Variants in HAAO observed in about 807,000 individuals in gnomAD.
HAAO encodes the protein 3-hydroxyanthranilate 3,4-dioxygenase, also known as 3-hydroxyanthranilate oxygenase.
Under a neutral mutation model 46.2 loss-of-function variants are expected in HAAO, and 49 were observed. That is an observed-to-expected ratio of 1.06 (90% CI 0.84 to 1.34). HAAO has a LOEUF of 1.34. HAAO is among the 40% of genes most tolerant of loss of function. The pLI is 0.00. For missense variants in HAAO, 408 were observed against 364.5 expected, an observed-to-expected ratio of 1.12 and a Z score of -0.97; for synonymous variants, 157 against 145.2, an observed-to-expected ratio of 1.08 and a Z score of -0.58.
At chr2:42,791,214 C>T (rs1672773326) in intron 1 of HAAO, among the ~76,000 whole-genome samples, 1 of 152,142 alleles carries the variant, frequency 6.6e-6, no homozygotes, top group African/African-American at 2.4e-5. Flanking sequence ...CAGACACACA[C>T]ACAAGGAGAC....
intron 4 of HAAO, among the ~76,000 whole-genome samples, chr2:42,776,970 C>G (rs1374526366): frequency 6.6e-6 from 1 of 151,504 alleles, no homozygotes; most frequent in African/African-American, 2.4e-5. Flanking sequence ...GGCTATTTAG[C>G]TGACAACTGC....
intron 1 of HAAO, among the ~76,000 whole-genome samples, chr2:42,790,755 C>T (rs1672736626): frequency 6.6e-6 from 1 of 152,130 alleles, no homozygotes; most frequent in African/African-American, 2.4e-5. Context: ...TGGTCTTGAA[C>T]TCCTGACCCC....
intron 2 of HAAO, chr2:42,784,087 AC>A: frequency 2.3e-6 from 1 of 430,842 alleles, no homozygotes; most frequent in Non-Finnish European, 3.1e-6. Flanking sequence ...GCAAGTGATG[AC>A]CAGAGTACCC....
At chr2:42,791,117 G>A (rs1266324776) in intron 1 of HAAO, among the ~76,000 whole-genome samples, 2 of 152,198 alleles carry the variant, frequency 1.3e-5, no homozygotes, top group Non-Finnish European at 1.5e-5. Flanking sequence ...TTGAGATGTA[G>A]TTAGGTTAGG....
At chr2:42,769,568 AATGTGTGTGTGT>A (rs1670923213) in intron 7 of HAAO, 133 bp downstream of exon 7, 6 of 646,190 alleles carry the variant, frequency 9.3e-6, no homozygotes, top group Admixed American at 3.9e-5. Flanking sequence ...CAACCTCTGA[AATGTGTGTGTGT>A]GTGTGTGTGT....
chr2:42,767,332 C>G lies in HAAO; in HGVS notation c.*105G>C, dbSNP rs572904356. 1.3e-6 allele frequency: 1 copy of G among 776,912 alleles called. No homozygotes were observed. Among genetic ancestry groups the G allele is most frequent in the East Asian group, 2.6e-5 (1 of 38,030 alleles). The allele number at this position is 776,912 out of a possible 1,614,324, so 48.1% of individuals were successfully genotyped here. A position where few individuals can be genotyped will look rare whatever the true frequency, so the allele number is the denominator to read the frequency against. On this transcript the variant is annotated 3_prime_UTR_variant, in exon 10 of 10. Coordinates refer to ENST00000294973, the MANE Select transcript of HAAO (RefSeq NM_012205.3). ...ATGTGCAGGTCTGTGGGGGACACAG[C>G]GGCAGTACACAGAGAGGTAGTGGGG... is the stretch of plus-strand genomic sequence containing the variant.
rs547245855 is a variant in HAAO at position 42,768,949 on chromosome 2, C to T, written c.630+764G>A. On this transcript the variant is annotated intron_variant, in intron 7 of 9. Coordinates refer to ENST00000294973, the MANE Select transcript of HAAO (RefSeq NM_012205.3). ...TTTCAAGCCTGAAACAGCTCATGCT[C>T]ATGCTTCTCCCTCACCTAGAATGCT... 4.1e-4 allele frequency among the ~76,000 whole-genome samples: 62 copies of T among 152,314 alleles called. No homozygotes were observed. In the South Asian group the frequency reaches 8.9e-3, roughly 22 times the overall value.
intron 1 of HAAO, 99 bp downstream of exon 1, chr2:42,792,358 G>A: frequency 3.2e-6 from 2 of 625,692 alleles, no homozygotes; most frequent in Non-Finnish European, 5.5e-6. Context: ...CCTTCTGCAA[G>A]CTTCTGGGTC....
Position 42,767,229 on chromosome 2 carries a change from C to T in HAAO, c.*208G>A, listed in dbSNP as rs2304659. The T allele has an allele frequency of 3.5e-3, 2,146 of 613,258 alleles. 66 individuals are homozygous for T. In the East Asian group the frequency reaches 0.055, roughly 16 times the overall value. The allele number at this position is 613,258 out of a possible 1,614,324, so 38.0% of individuals were successfully genotyped here. A position where few individuals can be genotyped will look rare whatever the true frequency, so the allele number is the denominator to read the frequency against. ...CTGGCAAGGCAGTGGGCTGAGTCTG[C>T]CAGAGAAGATGGGGAGCTGCTGCCC... On this transcript the variant is annotated 3_prime_UTR_variant, in exon 10 of 10. Coordinates refer to ENST00000294973, the MANE Select transcript of HAAO (RefSeq NM_012205.3).
At chr2:42,790,570 C>T (rs1345350688) in intron 1 of HAAO, among the ~76,000 whole-genome samples, 4 of 150,988 alleles carry the variant, frequency 2.6e-5, no homozygotes. Context: ...TCTTGCTTGC[C>T]ACCCAGGCTG....
intron 1 of HAAO, among the ~76,000 whole-genome samples, chr2:42,789,891 G>A (rs575957430): frequency 6.6e-6 from 1 of 152,376 alleles, no homozygotes; most frequent in South Asian, 2.1e-4. Context: ...TGAATAAGCA[G>A]CAGAATGTGT....
At chr2:42,786,248 G>A (rs1324949576) in intron 2 of HAAO, among the ~76,000 whole-genome samples, 2 of 152,184 alleles carry the variant, frequency 1.3e-5, no homozygotes, top group African/African-American at 4.8e-5. Context: ...CCTGTGATGA[G>A]GGGCAGGCCT....
rs373586539 is a variant in HAAO, at chr2:42,767,551, T to A, written c.783-36A>T. ...ACAGATGAGCAGGGATCACACAGAG[T>A]TGGACCCTGAGGATCCCAGGGAAAG... is the stretch of plus-strand genomic sequence containing the variant. On this transcript the variant is annotated intron_variant, in intron 9 of 9. Transcript: ENST00000294973. The A allele has an allele frequency of 1.9e-6, 3 of 1,592,822 alleles. No individual in the cohort carries two copies. In the South Asian group the frequency reaches 3.4e-5, roughly 18 times the overall value.
At chr2:42,786,406 T>C (rs1450132681) in intron 2 of HAAO, among the ~76,000 whole-genome samples, 2 of 152,166 alleles carry the variant, frequency 1.3e-5, no homozygotes, top group African/African-American at 4.8e-5. Context: ...CTCAGGCAGA[T>C]AATGAATAGA....
intron 4 of HAAO, among the ~76,000 whole-genome samples, chr2:42,775,034 G>C (rs1476413930): frequency 4.6e-5 from 7 of 152,162 alleles, no homozygotes; most frequent in Admixed American, 4.6e-4. Context: ...AGATCATGAA[G>C]TCAGGAGTTC....
intron 4 of HAAO, among the ~76,000 whole-genome samples, chr2:42,777,355 G>C (rs974750433): frequency 1.4e-5 from 2 of 140,508 alleles, no homozygotes; most frequent in South Asian, 2.4e-4. Context: ...GAATGTGAAA[G>C]TCTAAGATAG....
chr2:42,790,307 C>T (rs1157059317), intron 1 of HAAO, among the ~76,000 whole-genome samples: 1 of 151,946 alleles, frequency 6.6e-6, no homozygotes, highest in Non-Finnish European at 1.5e-5. Flanking sequence ...CATGAACAGT[C>T]CATGCTTAAA....
chr2:42,771,963 T>G (rs897051531), intron 4 of HAAO, among the ~76,000 whole-genome samples: 2 of 152,126 alleles, frequency 1.3e-5, no homozygotes, highest in African/African-American at 4.8e-5. Flanking sequence ...TAATGTTGAG[T>G]CCCTGGCTTT....
chr2:42,773,870 G>A (rs889610279), intron 4 of HAAO, among the ~76,000 whole-genome samples: 7 of 152,192 alleles, frequency 4.6e-5, no homozygotes, highest in Non-Finnish European at 8.8e-5. Context: ...GATTACAAGC[G>A]TGTGCCACTG....
Sources: allele counts gnomAD v4.1 joint callset (sites outside exome capture counted in the v4.1 genomes callset), GRCh38; gene constraint gnomAD v4.1.1; transcripts MANE v1.5; gene names NCBI Gene and HGNC (gene_info 2026-07-23, HGNC 2026-07-21).